The following CCSER1 variants were observed in gnomAD, a reference collection of about 807,000 sequenced individuals.
CCSER1 encodes coiled-coil serine rich protein 1.
Under a neutral mutation model 82.0 loss-of-function variants are expected in CCSER1, and 41 were observed. The ratio of observed to expected loss-of-function variants is 0.50; its 90% CI spans 0.39 to 0.65. CCSER1 has a LOEUF of 0.65. Ranked by LOEUF, CCSER1 falls within the 30% of genes least tolerant of loss-of-function variation. The probability of loss-of-function intolerance (pLI) is 0.00; values close to 1 mark genes in which losing one functional copy is unlikely to be tolerated. For missense variants in CCSER1, 1,119 were observed against 1,064.2 expected (o/e 1.05, Z -0.72); for synonymous variants, 414 against 383.9 (o/e 1.08, Z -0.92).
chr4:90,366,988 G>A (rs1746389611), intron 3 of CCSER1, among the ~76,000 whole-genome samples: 2 of 151,890 alleles, frequency 1.3e-5, no homozygotes, highest in Admixed American at 6.6e-5. Context: ...CTAAAATGAA[G>A]CATATAGGGG....
intron 10 of CCSER1, among the ~76,000 whole-genome samples, chr4:91,554,827 A>G (rs1410403071): frequency 6.6e-6 from 1 of 151,438 alleles, no homozygotes; most frequent in East Asian, 1.9e-4. Context: ...TGGCAGTGCC[A>G]TAAAAACACA....
intron 5 of CCSER1, among the ~76,000 whole-genome samples, chr4:90,568,286 A>G (rs1779642811): frequency 6.6e-6 from 1 of 152,124 alleles, no homozygotes; most frequent in Admixed American, 6.5e-5. Context: ...CTATTTCTGT[A>G]TTGTAGTCCA....
chr4:91,357,767 C>T (rs1227861363), intron 10 of CCSER1, among the ~76,000 whole-genome samples: 2 of 150,018 alleles, frequency 1.3e-5, no homozygotes, highest in East Asian at 1.9e-4. Flanking sequence ...TTCAACATGT[C>T]TCAACTTTCT....
chr4:91,275,817 G>A (rs1049977245), intron 10 of CCSER1, among the ~76,000 whole-genome samples: 8 of 151,990 alleles, frequency 5.3e-5, no homozygotes, highest in East Asian at 1.9e-4. Context: ...TCTTTAAACC[G>A]TCTTGAGTTG....
intron 10 of CCSER1, among the ~76,000 whole-genome samples, chr4:91,376,750 C>T (rs932374861): frequency 3.3e-5 from 5 of 151,724 alleles, no homozygotes; most frequent in African/African-American, 7.3e-5. Context: ...ACAAAGTAAA[C>T]GTTTAGGGTA....
At chr4:90,562,749 G>A (rs12645872) in intron 5 of CCSER1, among the ~76,000 whole-genome samples, 41,910 of 150,720 alleles carry the variant, frequency 0.28, 6,198 homozygotes, top group East Asian at 0.51. Context: ...TGTTCCCCAC[G>A]CTCGTCTCAA....
intron 1 of CCSER1, among the ~76,000 whole-genome samples, chr4:90,158,585 G>T (rs1326737982): frequency 6.6e-6 from 1 of 152,216 alleles, no homozygotes; most frequent in African/African-American, 2.4e-5. Flanking sequence ...GGCAATGGCG[G>T]GCTCCCCTCC....
intron 6 of CCSER1, among the ~76,000 whole-genome samples, chr4:90,674,409 T>C (rs1428304303): frequency 6.6e-6 from 1 of 151,738 alleles, no homozygotes; most frequent in Non-Finnish European, 1.5e-5. Context: ...GGGACAGTTG[T>C]CAAGTCTGAC....
intron 8 of CCSER1, among the ~76,000 whole-genome samples, chr4:90,835,052 C>A (rs1761612673): frequency 6.6e-6 from 1 of 152,098 alleles, no homozygotes; most frequent in Non-Finnish European, 1.5e-5. Flanking sequence ...ACCTTTTTCT[C>A]GCTGGCCTGG....
chr4:91,152,700 G>A (rs986490761), intron 10 of CCSER1, among the ~76,000 whole-genome samples: 1 of 152,170 alleles, frequency 6.6e-6, no homozygotes, highest in Non-Finnish European at 1.5e-5. Context: ...AGGAGCTCCT[G>A]TAAGGCAGGC....
chr4:90,671,637 C>A (rs1243619654), intron 6 of CCSER1, among the ~76,000 whole-genome samples: 1 of 151,956 alleles, frequency 6.6e-6, no homozygotes, highest in Non-Finnish European at 1.5e-5. Context: ...GGGTTGGAAT[C>A]CAAACTCCTG....
At chr4:91,072,848 A>G (rs2148772743) in intron 9 of CCSER1, among the ~76,000 whole-genome samples, 1 of 152,236 alleles carries the variant, frequency 6.6e-6, no homozygotes, top group Non-Finnish European at 1.5e-5. Context: ...AAAATAATCC[A>G]TGTAACATGT....
intron 3 of CCSER1, among the ~76,000 whole-genome samples, chr4:90,357,195 AG>A: frequency 6.6e-6 from 1 of 151,926 alleles, no homozygotes; most frequent in Non-Finnish European, 1.5e-5. Flanking sequence ...ATCACTTCTG[AG>A]ATGGTTTTAA....
At chr4:90,473,937 A>C (rs1317959693) in intron 5 of CCSER1, among the ~76,000 whole-genome samples, 1 of 152,160 alleles carries the variant, frequency 6.6e-6, no homozygotes, top group Non-Finnish European at 1.5e-5. Flanking sequence ...GCATAGTGCT[A>C]GGGGTTTTGT....
chr4:91,271,731 G>A (rs1174726188), intron 10 of CCSER1, among the ~76,000 whole-genome samples: 1 of 151,488 alleles, frequency 6.6e-6, no homozygotes, highest in Non-Finnish European at 1.5e-5. Flanking sequence ...ATATACATAT[G>A]ATACACATAT....
chr4:90,165,367 C>A (rs921062814), intron 1 of CCSER1, among the ~76,000 whole-genome samples: 2 of 151,998 alleles, frequency 1.3e-5, no homozygotes, highest in Non-Finnish European at 2.9e-5. Context: ...TGAGCATACC[C>A]AAAATGTTTA....
chr4:91,048,320 T>C lies in CCSER1; in HGVS notation c.2173-37630T>C, dbSNP rs1440598379. Among the ~76,000 whole-genome samples, 3 of 151,724 alleles carry C rather than the reference T, an allele frequency of 2.0e-5. No homozygotes were observed. The South Asian group carries it at 6.2e-4, about 32-fold the overall frequency. ...AAATATCAATAACAACTAAACAAATTTCCTTCCCTTCATTTTTTTCCTCTG... is the reference window on the plus strand; with the variant it reads ...AAATATCAATAACAACTAAACAAATCTCCTTCCCTTCATTTTTTTCCTCTG... On this transcript the variant is annotated intron_variant, in intron 9 of 10. Transcript: ENST00000509176.
At chr4:90,663,124 A>G (rs986853774) in intron 6 of CCSER1, among the ~76,000 whole-genome samples, 11 of 152,204 alleles carry the variant, frequency 7.2e-5, no homozygotes, top group Admixed American at 1.3e-4. Flanking sequence ...TTCATATGCA[A>G]TATTTTGATA....
rs78104655 is a variant in CCSER1, at chr4:90,981,286, A to G, written c.2172+57839A>G. ...CCTAGTATCAGCTCCTAACTAAACT[A>G]TTTGTACTCAAATCTGTTTCTCAGG... On this transcript the variant is annotated intron_variant, in intron 9 of 10. Coordinates refer to ENST00000509176, the MANE Select transcript of CCSER1 (RefSeq NM_001145065.2). Among the ~76,000 whole-genome samples the G allele has an allele frequency of 4.2e-3, 644 of 151,920 alleles. 5 individuals are homozygous for G. The highest frequency in any genetic ancestry group is 0.015 in the African/African-American group (605 of 41,510).
Sources: gnomAD v4.1 joint callset for allele counts (sites outside exome capture counted in the v4.1 genomes callset) on GRCh38, gnomAD v4.1.1 for gene constraint, MANE v1.5 for transcripts, NCBI Gene and HGNC (gene_info 2026-07-23, HGNC 2026-07-21) for gene names.